The following GPR137B variants were observed in gnomAD, a reference collection of about 807,000 sequenced individuals.
GPR137B encodes the protein G protein-coupled receptor 137B, also known as integral membrane protein GPR137B.
In GPR137B, 42 loss-of-function variants were observed where a neutral mutation model predicts 42.5. The observed-to-expected ratio is 0.99, with a 90% CI of 0.77 to 1.28. GPR137B has a LOEUF of 1.28. Among genes scored for constraint, GPR137B ranks in the 50% most tolerant of loss-of-function variants. The pLI, the probability that GPR137B is intolerant of heterozygous loss-of-function variation, is 0.00. For synonymous variants in GPR137B, 218 were observed against 209.7 expected (o/e 1.04, Z -0.34); for missense variants, 487 against 493.9 (o/e 0.99, Z 0.13).
intron 5 of GPR137B, among the ~76,000 whole-genome samples, chr1:236,195,484 A>G (rs1386363034): frequency 6.6e-6 from 1 of 152,094 alleles, no homozygotes; most frequent in East Asian, 1.9e-4. Context: ...TATATGTTCC[A>G]CATTTTCTTT....
At chr1:236,143,585 TACTA>T (rs917484995) in intron 1 of GPR137B, among the ~76,000 whole-genome samples, 4 of 152,172 alleles carry the variant, frequency 2.6e-5, no homozygotes, top group African/African-American at 4.8e-5. Context: ...AACTGCGGCT[TACTA>T]ACTCATTCCA....
Position 236,194,246 on chromosome 1 carries a change from C to T in GPR137B, c.966+10340C>T, listed in dbSNP as rs1028082828. Among the ~76,000 whole-genome samples, 15 of 152,196 alleles carry T rather than the reference C, an allele frequency of 9.9e-5. No homozygotes were observed. In the Middle Eastern group the frequency reaches 0.014, roughly 138 times the overall value. ...ACCTCATCATAATTTTGAGAAGCAT[C>T]TGTATTTGCCCCTGAAAACTTGCCC... On this transcript the variant is annotated intron_variant, in intron 5 of 6. Transcript: ENST00000366592.
intron 2 of GPR137B, among the ~76,000 whole-genome samples, chr1:236,173,556 T>C (rs1662608866): frequency 6.6e-6 from 1 of 152,212 alleles, no homozygotes; most frequent in African/African-American, 2.4e-5. Context: ...TTGGCTGCCT[T>C]GAAGACTCGC....
At chr1:236,172,454 A>G (rs1482604531) in intron 2 of GPR137B, among the ~76,000 whole-genome samples, 1 of 152,222 alleles carries the variant, frequency 6.6e-6, no homozygotes, top group Non-Finnish European at 1.5e-5. Context: ...TCAGCCAAGA[A>G]CCACTTTATT....
intron 1 of GPR137B, 80 bp from the exon 2 acceptor site, chr1:236,168,626 G>C: frequency 9.5e-7 from 1 of 1,056,512 alleles, no homozygotes; most frequent in Non-Finnish European, 1.5e-6. Context: ...TGAAGGGGCA[G>C]AGGAATTCCC....
At chr1:236,184,875 T>A (rs754629679) in intron 5 of GPR137B, among the ~76,000 whole-genome samples, 41 of 152,160 alleles carry the variant, frequency 2.7e-4, no homozygotes, top group Non-Finnish European at 5.6e-4. Flanking sequence ...TAAGCGATTC[T>A]CCTGCCTCAG....
At chr1:236,159,755 G>A (rs917539215) in intron 1 of GPR137B, among the ~76,000 whole-genome samples, 2 of 152,256 alleles carry the variant, frequency 1.3e-5, no homozygotes, top group Non-Finnish European at 1.5e-5. Flanking sequence ...TGCTTCTGTC[G>A]AAACAAGTAC....
intron 5 of GPR137B, among the ~76,000 whole-genome samples, chr1:236,200,861 G>C (rs985410494): frequency 1.3e-5 from 2 of 151,626 alleles, no homozygotes; most frequent in Non-Finnish European, 2.9e-5. Context: ...ATTGAGATGT[G>C]AGACTGTTTT....
intron 1 of GPR137B, among the ~76,000 whole-genome samples, chr1:236,167,685 C>T (rs551223644): frequency 2.6e-5 from 4 of 152,194 alleles, no homozygotes; most frequent in Non-Finnish European, 4.4e-5. Flanking sequence ...CTGTTAAACA[C>T]CAGGGATCCA....
At chr1:236,144,731 G>GCA (rs974520834) in intron 1 of GPR137B, among the ~76,000 whole-genome samples, 58 of 152,360 alleles carry the variant, frequency 3.8e-4, no homozygotes, top group African/African-American at 1.3e-3. Flanking sequence ...GGTGGTTCTA[G>GCA]CAAGATGCAA....
At position 236,147,193 on chromosome 1, in the gene GPR137B, T is replaced by C. The variant is rs185589439; in HGVS notation, c.414+4157T>C. On this transcript the variant is annotated intron_variant, in intron 1 of 6. Transcript: ENST00000366592. ...CAGCCAGGCTTCGAGCTGCAGGGCT[T>C]GGTGCAGAGGGTGTGCCCATGCTCT... is the stretch of plus-strand genomic sequence containing the variant. Among the ~76,000 whole-genome samples the C allele has an allele frequency of 4.7e-3, 721 of 152,340 alleles. 1 individual carries two copies. The highest frequency in any genetic ancestry group is 7.8e-3 in the Non-Finnish European group (531 of 68,030).
chr1:236,162,141 T>C (rs2102899161), intron 1 of GPR137B, among the ~76,000 whole-genome samples: 1 of 152,298 alleles, frequency 6.6e-6, no homozygotes, highest in South Asian at 2.1e-4. Flanking sequence ...CAGATAGAGA[T>C]GAGGAACTTT....
intron 2 of GPR137B, 120 bp from the exon 3 acceptor site, chr1:236,178,294 C>G: frequency 1.5e-6 from 1 of 658,000 alleles, no homozygotes; most frequent in Non-Finnish European, 2.7e-6. Flanking sequence ...TTGCCAGAGT[C>G]CAAGCTCTTA....
At chr1:236,158,944 G>T (rs1662108085) in intron 1 of GPR137B, among the ~76,000 whole-genome samples, 1 of 152,172 alleles carries the variant, frequency 6.6e-6, no homozygotes, top group African/African-American at 2.4e-5. Context: ...GACATCAGAG[G>T]TGACTTCTGT....
rs559622081 is a variant in GPR137B, at chr1:236,208,738, ATTTTT to A, written c.*586_*590del. ...GCAGCAGACTGTAAGGTCTTTAGAG[ATTTTT>A]TTTTTAAGGTTCAGGCCGTAGGTTC... On this transcript the variant is annotated 3_prime_UTR_variant, in exon 7 of 7. Coordinates refer to ENST00000366592, the MANE Select transcript of GPR137B (RefSeq NM_003272.4). 1.1e-6 allele frequency: 1 copy of A among 890,660 alleles called. No individual in the cohort carries two copies. Among genetic ancestry groups the A allele is most frequent in the Non-Finnish European group, 1.3e-6 (1 of 744,514 alleles). 55.2% of individuals were successfully genotyped at this position (890,660 alleles called of 1,614,324 possible). A position where few individuals can be genotyped will look rare whatever the true frequency, so the allele number is the denominator to read the frequency against.
chr1:236,173,588 C>T (rs2102906920), intron 2 of GPR137B, among the ~76,000 whole-genome samples: 1 of 152,308 alleles, frequency 6.6e-6, no homozygotes, highest in East Asian at 1.9e-4. Context: ...ATTTGCTGAC[C>T]AGCAGCACTG....
chr1:236,199,568 G>T (rs537915519), intron 5 of GPR137B, among the ~76,000 whole-genome samples: 4 of 151,942 alleles, frequency 2.6e-5, no homozygotes, highest in Non-Finnish European at 4.4e-5. Flanking sequence ...TTTCGATCTC[G>T]CTAGTTGTTA....
intron 5 of GPR137B, among the ~76,000 whole-genome samples, chr1:236,190,134 A>G (rs1035311596): frequency 7.0e-6 from 1 of 143,022 alleles, no homozygotes; most frequent in African/African-American, 2.7e-5. Context: ...TTAGGACTGC[A>G]ACTCCTGCTT....
rs1458278667 is a variant in GPR137B at position 236,200,598 on chromosome 1, G to C, written c.967-4528G>C. ...ACTGATCCTTTTATTAATAAATAAT[G>C]TCTCTCTTTGTCTTAACTGTTGATG... On this transcript the variant is annotated intron_variant, in intron 5 of 6. Coordinates refer to ENST00000366592, the MANE Select transcript of GPR137B (RefSeq NM_003272.4). Among the ~76,000 whole-genome samples the C allele has an allele frequency of 2.6e-5, 4 of 151,930 alleles. 1 individual carries two copies. In the South Asian group the frequency reaches 8.3e-4, roughly 31 times the overall value.
Sources: allele counts gnomAD v4.1 joint callset (sites outside exome capture counted in the v4.1 genomes callset), GRCh38; gene constraint gnomAD v4.1.1; transcripts MANE v1.5; gene names NCBI Gene and HGNC (gene_info 2026-07-23, HGNC 2026-07-21).